Variants in EPHA6 observed in about 807,000 individuals in gnomAD.
EPHA6 encodes the protein EPH receptor A6.
EPHA6 carries 50 observed loss-of-function variants against 112.0 expected under a neutral mutation model. The ratio of observed to expected loss-of-function variants is 0.45; its 90% confidence interval spans 0.36 to 0.56. EPHA6 has a LOEUF of 0.56. Among genes scored for constraint, EPHA6 ranks in the 20% least tolerant of loss-of-function variants. EPHA6 has a pLI of 0.00. For synonymous variants in EPHA6, 529 were observed against 490.7 expected, an observed-to-expected ratio of 1.08 and a Z score of -1.03; for missense variants, 1,280 against 1,417.4, an observed-to-expected ratio of 0.90 and a Z score of 1.56.
intron 2 of EPHA6, among the ~76,000 whole-genome samples, chr3:96,948,084 C>G (rs72916462): frequency 2.6e-5 from 4 of 151,922 alleles, no homozygotes; most frequent in African/African-American, 9.7e-5. Context: ...AAAATGGTAT[C>G]CTGTACGTAT....
intron 11 of EPHA6, among the ~76,000 whole-genome samples, chr3:97,553,466 G>T (rs1244693720): frequency 6.6e-6 from 1 of 152,064 alleles, no homozygotes; most frequent in Non-Finnish European, 1.5e-5. Context: ...GCATCACTGG[G>T]GAGGGCTCAG....
chr3:96,942,974 A>T lies in EPHA6; in HGVS notation c.451-44356A>T, dbSNP rs182485158. Among the ~76,000 whole-genome samples, 534 of 151,958 alleles carry T rather than the reference A, an allele frequency of 3.5e-3. 2 individuals are homozygous for T. Among genetic ancestry groups the T allele is most frequent in the Middle Eastern group, 0.01 (3 of 294 alleles). On this transcript the variant is annotated intron_variant, in intron 2 of 17. Coordinates refer to ENST00000389672, the MANE Select transcript of EPHA6 (RefSeq NM_001080448.3). ...AACTTATTCCTCCTATCTAACTCTA[A>T]CTTTGTATCCATTGACCAGTCTCTC...
At chr3:97,048,997 A>G (rs1484670113) in intron 3 of EPHA6, among the ~76,000 whole-genome samples, 1 of 152,156 alleles carries the variant, frequency 6.6e-6, no homozygotes, top group Non-Finnish European at 1.5e-5. Flanking sequence ...GTCCCCTGGG[A>G]TATTTTGGAA....
chr3:96,878,943 C>T (rs75273186), intron 2 of EPHA6, among the ~76,000 whole-genome samples: 3,780 of 152,048 alleles, frequency 0.025, 157 homozygotes, highest in African/African-American at 0.084. Flanking sequence ...ATAAATATCA[C>T]TTAAGTGAAA....
intron 5 of EPHA6, among the ~76,000 whole-genome samples, chr3:97,396,208 G>A (rs367619811): frequency 1.3e-5 from 2 of 151,068 alleles, no homozygotes; most frequent in African/African-American, 2.4e-5. Context: ...TCACAAGCAT[G>A]TGTATATGAG....
At chr3:97,088,529 T>C (rs536009110) in intron 3 of EPHA6, among the ~76,000 whole-genome samples, 1 of 152,252 alleles carries the variant, frequency 6.6e-6, no homozygotes, top group South Asian at 2.1e-4. Context: ...AGAAGGACTT[T>C]CATGATTCAT....
At chr3:97,202,518 G>C (rs889029838) in intron 3 of EPHA6, among the ~76,000 whole-genome samples, 2 of 151,964 alleles carry the variant, frequency 1.3e-5, no homozygotes, top group Non-Finnish European at 1.5e-5. Flanking sequence ...ATTTTTATTG[G>C]AGACAGGGTT....
chr3:97,099,724 C>T (rs1285017084), intron 3 of EPHA6, among the ~76,000 whole-genome samples: 1 of 151,932 alleles, frequency 6.6e-6, no homozygotes, highest in Non-Finnish European at 1.5e-5. Flanking sequence ...TTTCTTCTCA[C>T]ACCCTGATGA....
At position 96,951,795 on chromosome 3, in the gene EPHA6, A is replaced by T. The variant is rs186968931; in HGVS notation, c.451-35535A>T. On this transcript the variant is annotated intron_variant, in intron 2 of 17. Transcript: ENST00000389672. ...GTTTCTTCTTTATTTATAAAACCAG[A>T]GGACAATACACTATAGAGTATGTTA... Among the ~76,000 whole-genome samples, 13 of 152,320 alleles carry T rather than the reference A, an allele frequency of 8.5e-5. No individual in the cohort carries two copies. In the East Asian group the frequency reaches 2.5e-3, roughly 29 times the overall value.
At chr3:97,000,417 G>T (rs945588124) in intron 3 of EPHA6, among the ~76,000 whole-genome samples, 4 of 151,452 alleles carry the variant, frequency 2.6e-5, no homozygotes, top group African/African-American at 9.7e-5. Context: ...TTTAAAAGCT[G>T]AGGTAACAGA....
chr3:97,027,395 A>G (rs1260056058), intron 3 of EPHA6, among the ~76,000 whole-genome samples: 3 of 152,102 alleles, frequency 2.0e-5, no homozygotes, highest in Non-Finnish European at 2.9e-5. Flanking sequence ...CTATGACACA[A>G]GTTTACCTAT....
intron 6 of EPHA6, among the ~76,000 whole-genome samples, chr3:97,426,640 C>T (rs372362851): frequency 1.3e-5 from 2 of 152,114 alleles, no homozygotes; most frequent in Non-Finnish European, 2.9e-5. Context: ...TACACCCTGG[C>T]AAAGATTTTA....
chr3:97,479,558 C>T (rs1413414226), intron 9 of EPHA6, among the ~76,000 whole-genome samples, 194 bp downstream of exon 9: 1 of 152,144 alleles, frequency 6.6e-6, no homozygotes, highest in African/African-American at 2.4e-5. Flanking sequence ...ATAACATTAC[C>T]TTGTTCCCAA....
chr3:96,946,466 T>C (rs896303241), intron 2 of EPHA6, among the ~76,000 whole-genome samples: 3 of 152,114 alleles, frequency 2.0e-5, no homozygotes, highest in Non-Finnish European at 4.4e-5. Flanking sequence ...AGAATGATGG[T>C]TTCCAGCTTC....
chr3:96,836,267 TG>T (rs2034406072), intron 1 of EPHA6, among the ~76,000 whole-genome samples: 1 of 152,116 alleles, frequency 6.6e-6, no homozygotes, highest in African/African-American at 2.4e-5. Flanking sequence ...ATTGCTACCA[TG>T]GGGAAACATA....
intron 1 of EPHA6, among the ~76,000 whole-genome samples, chr3:96,823,770 T>C (rs904784958): frequency 2.6e-5 from 4 of 151,798 alleles, no homozygotes; most frequent in African/African-American, 9.7e-5. Flanking sequence ...ACTAGAACAT[T>C]TAATGAGAGA....
intron 3 of EPHA6, among the ~76,000 whole-genome samples, chr3:97,191,773 G>GTAGT (rs1222973415): frequency 1.3e-5 from 2 of 152,086 alleles, no homozygotes; most frequent in Non-Finnish European, 2.9e-5. Context: ...GAGTTTGCAC[G>GTAGT]TAGTGCTGAG....
At chr3:97,640,676 A>T (rs996216740) in intron 14 of EPHA6, among the ~76,000 whole-genome samples, 1 of 152,126 alleles carries the variant, frequency 6.6e-6, no homozygotes, top group Non-Finnish European at 1.5e-5. Context: ...GCTACTCGGC[A>T]GGCTGAGGCA....
chr3:97,036,909 A>G (rs368755632), intron 3 of EPHA6, among the ~76,000 whole-genome samples: 2 of 151,946 alleles, frequency 1.3e-5, no homozygotes, highest in African/African-American at 4.8e-5. Context: ...AAAAGTTGCC[A>G]TTGACTGGGA....
Sources: allele counts gnomAD v4.1 joint callset (sites outside exome capture counted in the v4.1 genomes callset), GRCh38; gene constraint gnomAD v4.1.1; transcripts MANE v1.5; gene names NCBI Gene and HGNC (gene_info 2026-07-23, HGNC 2026-07-21).